ARHGAP24: variants seen among roughly 807,000 people sequenced by gnomAD.
The protein encoded by ARHGAP24 is Rho GTPase activating protein 24, also known as rho GTPase-activating protein 24.
A neutral mutation model predicts 76.4 loss-of-function variants in ARHGAP24; 50 were observed. The ratio of observed to expected loss-of-function variants is 0.65; its 90% CI spans 0.52 to 0.83. The LOEUF (loss-of-function observed/expected upper bound fraction) is 0.83, where lower values mean the gene tolerates loss of function less well. Ranked by LOEUF, ARHGAP24 falls within the 40% of genes least tolerant of loss-of-function variation. ARHGAP24 has a pLI of 0.00. For missense variants in ARHGAP24, 930 were observed against 914.2 expected, an observed-to-expected ratio of 1.02 and a Z score of -0.22; for synonymous variants, 345 against 323.3, an observed-to-expected ratio of 1.07 and a Z score of -0.72.
chr4:85,764,277 C>A (rs1726845266), intron 3 of ARHGAP24, among the ~76,000 whole-genome samples: 1 of 151,964 alleles, frequency 6.6e-6, no homozygotes, highest in Admixed American at 6.6e-5. Flanking sequence ...GCTTTTCTAT[C>A]TGCTATAGTG....
intron 3 of ARHGAP24, among the ~76,000 whole-genome samples, chr4:85,763,731 G>A (rs773452818): frequency 9.5e-4 from 144 of 152,122 alleles, no homozygotes; most frequent in Non-Finnish European, 1.8e-3. Context: ...GAGTGAACAT[G>A]TTTCAAATAC....
chr4:85,995,526 C>T lies in ARHGAP24; in HGVS notation c.1872C>T (p.Thr624=). 6.2e-7 allele frequency: 1 copy of T among 1,607,396 alleles called. No individual in the cohort carries two copies. Among genetic ancestry groups the T allele is most frequent in the Non-Finnish European group, 8.5e-7 (1 of 1,176,064 alleles). The part of the protein sequence containing the change: ...RSVGGRSSRA[T]SSSDNSETFV... The stretch of plus-strand genomic sequence containing the variant: ...TGGGAGGTCGAAGTAGTCGTGCCAC[C>T]AGTAGCAGTGACAACAGTGAGACAT... Residue 624 remains threonine (T), a synonymous_variant, in exon 9 of 10, where the codon ACC becomes ACT. Transcript: ENST00000395184.
At chr4:85,921,462 T>A (rs1735716805) in intron 3 of ARHGAP24, among the ~76,000 whole-genome samples, 1 of 151,996 alleles carries the variant, frequency 6.6e-6, no homozygotes. Flanking sequence ...GATGAAATAA[T>A]CTGTACAACA....
intron 3 of ARHGAP24, among the ~76,000 whole-genome samples, chr4:85,763,448 C>T (rs1285499229): frequency 7.2e-6 from 1 of 138,998 alleles, no homozygotes; most frequent in Non-Finnish European, 1.5e-5. Context: ...ACTGAGGTCC[C>T]ATAGGGAGGG....
At chr4:85,783,171 G>A (rs1727642121) in intron 3 of ARHGAP24, among the ~76,000 whole-genome samples, 1 of 152,094 alleles carries the variant, frequency 6.6e-6, no homozygotes, top group Non-Finnish European at 1.5e-5. Flanking sequence ...GGTCTCAAGT[G>A]TTATTCTATA....
At chr4:85,952,030 C>T (rs968297745) in intron 5 of ARHGAP24, among the ~76,000 whole-genome samples, 40 of 151,760 alleles carry the variant, frequency 2.6e-4, no homozygotes, top group African/African-American at 8.7e-4. Context: ...TTGATTATAA[C>T]GTTTTATGTA....
At chr4:85,633,457 G>T (rs1290876734) in intron 2 of ARHGAP24, among the ~76,000 whole-genome samples, 8 of 151,592 alleles carry the variant, frequency 5.3e-5, no homozygotes, top group African/African-American at 1.9e-4. Flanking sequence ...TTTAAATTGG[G>T]CAATTTCTTT....
intron 3 of ARHGAP24, among the ~76,000 whole-genome samples, chr4:85,767,820 T>A (rs1012835848): frequency 1.3e-5 from 2 of 152,226 alleles, no homozygotes; most frequent in Admixed American, 1.3e-4. Flanking sequence ...GTTACCCTGT[T>A]TTTGTCTGCC....
intron 4 of ARHGAP24, chr4:85,930,829 A>AAAAAT: frequency 6.3e-7 from 1 of 1,580,074 alleles, no homozygotes; most frequent in Non-Finnish European, 8.6e-7. Flanking sequence ...TCAGCACTTC[A>AAAAAT]AAAATAACAA....
intron 8 of ARHGAP24, among the ~76,000 whole-genome samples, chr4:85,984,179 G>C (rs1207896193): frequency 6.6e-6 from 1 of 152,138 alleles, no homozygotes; most frequent in Non-Finnish European, 1.5e-5. Context: ...AGAGGTCGGG[G>C]AACCATCACA....
At chr4:85,735,600 C>G (rs533603765) in intron 3 of ARHGAP24, among the ~76,000 whole-genome samples, 2 of 152,266 alleles carry the variant, frequency 1.3e-5, no homozygotes, top group East Asian at 3.9e-4. Flanking sequence ...TTGTCCCTGT[C>G]TCTTAGTCAC....
Position 85,762,422 on chromosome 4 carries a change from C to T in ARHGAP24, c.268+40450C>T, listed in dbSNP as rs1432773246. Among the ~76,000 whole-genome samples the T allele has an allele frequency of 2.0e-5, 3 of 152,168 alleles. No homozygotes were observed. The East Asian group carries it at 5.8e-4, about 29-fold the overall frequency. ...ATCCAGGAGAGGGAAAACACATGCC[C>T]TGCTGCCAGCCTTCCCATTTTCTCC... On this transcript the variant is annotated intron_variant, in intron 3 of 9. Coordinates refer to ENST00000395184, the MANE Select transcript of ARHGAP24 (RefSeq NM_001025616.3).
chr4:85,835,718 C>T (rs1485059090), intron 3 of ARHGAP24, among the ~76,000 whole-genome samples: 1 of 151,996 alleles, frequency 6.6e-6, no homozygotes, highest in Non-Finnish European at 1.5e-5. Context: ...TGGAGTCTTG[C>T]TCTGTTGCCC....
intron 1 of ARHGAP24, among the ~76,000 whole-genome samples, chr4:85,568,311 G>A (rs544069881): frequency 1.1e-4 from 17 of 151,642 alleles, no homozygotes; most frequent in East Asian, 9.7e-4. Flanking sequence ...TGTTTGTTGC[G>A]GGGGGGAGGG....
intron 1 of ARHGAP24, among the ~76,000 whole-genome samples, chr4:85,564,852 A>C (rs1726761568): frequency 6.9e-6 from 1 of 145,478 alleles, no homozygotes; most frequent in South Asian, 2.2e-4. Flanking sequence ...CCCCGTTCCT[A>C]ACTGGCCACA....
In ARHGAP24 at chr4:85,920,760, CA is replaced by C. The variant is rs567732728; in HGVS notation, c.269-2887del. 1.9e-4 allele frequency among the ~76,000 whole-genome samples: 29 copies of C among 152,216 alleles called. No homozygotes were observed. The South Asian group carries it at 6.0e-3, about 32-fold the overall frequency. On this transcript the variant is annotated intron_variant, in intron 3 of 9. Coordinates refer to ENST00000395184, the MANE Select transcript of ARHGAP24 (RefSeq NM_001025616.3). Reference sequence around the variant, plus strand: ...AGAAGACATACATGTGGCAAACAATCATATGAAAAAAAGCTCAACATCATTG... The same window carrying C: ...AGAAGACATACATGTGGCAAACAATCTATGAAAAAAAGCTCAACATCATTG...
At chr4:85,687,600 T>C (rs1262115214) in intron 2 of ARHGAP24, among the ~76,000 whole-genome samples, 1 of 152,224 alleles carries the variant, frequency 6.6e-6, no homozygotes, top group East Asian at 1.9e-4. Flanking sequence ...TATTTTGTTC[T>C]TTCTGGCTAT....
chr4:85,975,049 C>G, intron 7 of ARHGAP24, 88 bp downstream of exon 7: 1 of 1,198,118 alleles, frequency 8.3e-7, no homozygotes, highest in Non-Finnish European at 1.2e-6. Context: ...TAAAATCACT[C>G]AACTACTTCG....
At chr4:85,958,421 G>A (rs1269448042) in intron 5 of ARHGAP24, among the ~76,000 whole-genome samples, 1 of 152,094 alleles carries the variant, frequency 6.6e-6, no homozygotes, top group Non-Finnish European at 1.5e-5. Flanking sequence ...ATGGTATAAG[G>A]AAAAGTAATA....
Sources: allele counts gnomAD v4.1 joint callset (sites outside exome capture counted in the v4.1 genomes callset), GRCh38; gene constraint gnomAD v4.1.1; transcripts MANE v1.5; gene names NCBI Gene and HGNC (gene_info 2026-07-23, HGNC 2026-07-21).